TSHZ3: variants seen among roughly 807,000 people sequenced by gnomAD.
The protein encoded by TSHZ3 is teashirt zinc finger homeobox 3.
Under a neutral mutation model 64.5 loss-of-function variants are expected in TSHZ3, and 10 were observed. The ratio of observed to expected loss-of-function variants is 0.16; its 90% CI spans 0.10 to 0.26. TSHZ3 has a LOEUF of 0.26. Ranked by LOEUF, TSHZ3 falls within the 10% of genes least tolerant of loss-of-function variation. The pLI is 1.00. For synonymous variants in TSHZ3, 608 were observed against 593.1 expected, an observed-to-expected ratio of 1.03 and a Z score of -0.36; for missense variants, 1,242 against 1,421.7, an observed-to-expected ratio of 0.87 and a Z score of 2.03.
chr19:31,208,842 C>T (rs568479055), intron 4 of TSHZ3, among the ~76,000 whole-genome samples: 1 of 152,332 alleles, frequency 6.6e-6, no homozygotes, highest in Admixed American at 6.5e-5. Context: ...TTCATTACAA[C>T]ATTTCTTCAG....
In TSHZ3 at chr19:31,157,874, G is replaced by A. The variant is rs7507521; in HGVS notation, n.810-1457C>T. The stretch of plus-strand genomic sequence containing the variant: ...AGGTAGGCAGAGTCCGCAGGATGCA[G>A]GCCTCGATGTTTGAGGCATAGGCTG... On this transcript the variant is annotated intron_variant and non_coding_transcript_variant, in intron 5 of 6. Transcript: ENST00000651361. Among the ~76,000 whole-genome samples the A allele has an allele frequency of 4.1e-4, 62 of 152,312 alleles. No homozygotes were observed. In the East Asian group the frequency reaches 8.9e-3, roughly 22 times the overall value.
At chr19:31,300,450 T>C (rs1220305515) in intron 1 of TSHZ3, among the ~76,000 whole-genome samples, 1 of 152,206 alleles carries the variant, frequency 6.6e-6, no homozygotes, top group Non-Finnish European at 1.5e-5. Context: ...AAATTTTTTT[T>C]ATATCACCAT....
In TSHZ3 at chr19:31,220,476, A is replaced by G. The variant is rs114669146; in HGVS notation, n.686+7529T>C. On this transcript the variant is annotated intron_variant and non_coding_transcript_variant, in intron 4 of 6. Transcript: ENST00000651361. ...TATATATGTATTTTGGGTCTCATCT[A>G]ACTTCAATTTCACATTTTATTTTTA... is the stretch of plus-strand genomic sequence containing the variant. Among the ~76,000 whole-genome samples the G allele has an allele frequency of 3.7e-3, 556 of 152,306 alleles. 4 individuals carry two copies. The highest frequency in any genetic ancestry group is 0.012 in the African/African-American group (513 of 41,578).
At chr19:31,224,192 C>T (rs1975428983) in intron 4 of TSHZ3, among the ~76,000 whole-genome samples, 2 of 152,192 alleles carry the variant, frequency 1.3e-5, no homozygotes, top group Admixed American at 6.5e-5. Flanking sequence ...ATAAGGTTTA[C>T]CATTTGTCTA....
downstream of TSHZ3, among the ~76,000 whole-genome samples, chr19:31,273,233 C>T (rs572864235): frequency 1.3e-5 from 2 of 152,258 alleles, no homozygotes; most frequent in African/African-American, 4.8e-5. Context: ...GGTTTGCATT[C>T]GTGCCTGGAG....
chr19:31,226,078 C>A (rs973168225), intron 4 of TSHZ3, among the ~76,000 whole-genome samples: 1 of 151,610 alleles, frequency 6.6e-6, no homozygotes, highest in Non-Finnish European at 1.5e-5. Flanking sequence ...GTGAGCCAAC[C>A]TCATGCCACT....
chr19:31,292,516 A>G (rs2145131285), intron 1 of TSHZ3, among the ~76,000 whole-genome samples: 1 of 152,280 alleles, frequency 6.6e-6, no homozygotes, highest in South Asian at 2.1e-4. Flanking sequence ...TTCCTCCAAA[A>G]TACTAAAAGA....
Position 31,150,234 on chromosome 19 carries a change from T to G in TSHZ3, n.2382A>C, listed in dbSNP as rs530240940. Among the ~76,000 whole-genome samples the G allele has an allele frequency of 1.3e-4, 20 of 152,352 alleles. No homozygotes were observed. The East Asian group carries it at 3.9e-3, about 29-fold the overall frequency. ...TCTGCTGACTGCCTCCTCCATGCTC[T>G]GAAGTCAGCCCGTGAGGCCCGTGTG... On this transcript the variant is annotated non_coding_transcript_exon_variant, in exon 7 of 7. Coordinates refer to the TSHZ3 transcript ENST00000651361.
intron 5 of TSHZ3, among the ~76,000 whole-genome samples, chr19:31,165,538 A>T (rs1974437192): frequency 6.6e-6 from 1 of 152,158 alleles, no homozygotes; most frequent in African/African-American, 2.4e-5. Flanking sequence ...GAAGAAACAA[A>T]AACTGTGACC....
chr19:31,298,851 G>T (rs2145139008), intron 1 of TSHZ3, among the ~76,000 whole-genome samples: 1 of 152,324 alleles, frequency 6.6e-6, no homozygotes, highest in East Asian at 1.9e-4. Context: ...CGTTTAAAAT[G>T]TACTACTTAA....
At chr19:31,260,901 T>C (rs544636851) in intron 1 of TSHZ3, among the ~76,000 whole-genome samples, 2 of 152,282 alleles carry the variant, frequency 1.3e-5, no homozygotes, top group Admixed American at 6.5e-5. Context: ...TTTTTAAAAT[T>C]ATGAATTTAG....
At chr19:31,242,982 C>T (rs1439930946) in intron 1 of TSHZ3, among the ~76,000 whole-genome samples, 5 of 151,936 alleles carry the variant, frequency 3.3e-5, no homozygotes, top group African/African-American at 1.2e-4. Context: ...ATCTTCCCAT[C>T]TCAGTCCACC....
chr19:31,155,996 G>A lies in TSHZ3; in HGVS notation n.871+360C>T, dbSNP rs143515391. 2.6e-5 allele frequency among the ~76,000 whole-genome samples: 4 copies of A among 152,292 alleles called. No individual in the cohort carries two copies. The East Asian group carries it at 7.7e-4, about 29-fold the overall frequency. On this transcript the variant is annotated intron_variant and non_coding_transcript_variant, in intron 6 of 6. Transcript: ENST00000651361. ...CTAATGATCACATTGCTTTGCTTTT[G>A]TTATTGTTGTTAACCAATCTGGCTC... is the stretch of plus-strand genomic sequence containing the variant.
intron 1 of TSHZ3, among the ~76,000 whole-genome samples, chr19:31,323,281 G>T (rs112574230): frequency 8.5e-5 from 13 of 152,172 alleles, no homozygotes; most frequent in Non-Finnish European, 1.6e-4. Flanking sequence ...GTTCCACAGA[G>T]TAGCCTATGA....
At chr19:31,317,997 T>G (rs1916653570) in intron 1 of TSHZ3, among the ~76,000 whole-genome samples, 1 of 152,194 alleles carries the variant, frequency 6.6e-6, no homozygotes, top group Admixed American at 6.5e-5. Context: ...AACAATCTAT[T>G]GAAGAGTTTT....
At chr19:31,309,129 C>T (rs935441302) in intron 1 of TSHZ3, among the ~76,000 whole-genome samples, 26 of 152,206 alleles carry the variant, frequency 1.7e-4, no homozygotes, top group Admixed American at 1.4e-3. Context: ...TGGTGTTGCC[C>T]GCCACCCCTT....
At chr19:31,197,124 A>G (rs1018183871) in intron 5 of TSHZ3, among the ~76,000 whole-genome samples, 1 of 152,020 alleles carries the variant, frequency 6.6e-6, no homozygotes, top group Admixed American at 6.6e-5. Context: ...CTCAGACCAC[A>G]ATGCAATTAA....
intron 1 of TSHZ3, among the ~76,000 whole-genome samples, chr19:31,348,329 A>G (rs1404374591): frequency 6.6e-6 from 1 of 152,212 alleles, no homozygotes; most frequent in African/African-American, 2.4e-5. Flanking sequence ...TCCAGGCAAC[A>G]TGCCCCCAAC....
chr19:31,175,967 T>C (rs1223304944), intron 5 of TSHZ3, among the ~76,000 whole-genome samples: 6 of 152,324 alleles, frequency 3.9e-5, no homozygotes, highest in African/African-American at 1.2e-4. Flanking sequence ...ATTACTTCTC[T>C]GTAAAATGAG....
Sources: allele counts gnomAD v4.1 joint callset (sites outside exome capture counted in the v4.1 genomes callset), GRCh38; gene constraint gnomAD v4.1.1; transcripts MANE v1.5; gene names NCBI Gene and HGNC (gene_info 2026-07-23, HGNC 2026-07-21).